The following PHF1 variants were observed in gnomAD, a reference collection of about 807,000 sequenced individuals.
PHF1 encodes the protein PHD finger protein 1, also known as polycomb-like 1.
In PHF1, 16 loss-of-function variants were observed where a neutral mutation model predicts 69.4. That is an observed-to-expected ratio of 0.23 (90% confidence interval 0.16 to 0.35). The LOEUF (loss-of-function observed/expected upper bound fraction) is 0.35, where lower values mean the gene tolerates loss of function less well. PHF1 is among the 10% of genes least tolerant of loss of function. The pLI, the probability that PHF1 is intolerant of heterozygous loss-of-function variation, is 1.00. For missense variants in PHF1, 515 were observed against 732.8 expected, an observed-to-expected ratio of 0.70 and a Z score of 3.43; for synonymous variants, 274 against 275.0, an observed-to-expected ratio of 1.00 and a Z score of 0.04.
chr6:33,415,415 T>C (rs1581951371), intron 13 of PHF1, 86 bp downstream of exon 13: 1 of 1,288,276 alleles, frequency 7.8e-7, no homozygotes, highest in East Asian at 2.3e-5. Flanking sequence ...TTCTTTTCCC[T>C]CTCCCCCTTG....
chr6:33,413,419 C>T lies in PHF1; in HGVS notation c.449C>T (p.Ala150Val), dbSNP rs748119733. The T allele has an allele frequency of 6.2e-7, 1 of 1,614,168 alleles. No individual in the cohort carries two copies. Among genetic ancestry groups the T allele is most frequent in the East Asian group, 2.2e-5 (1 of 44,880 alleles). Reference sequence around the variant, plus strand: ...GTCCTGTCTCTGCAGAGGGGAGGTGCCCTGAAGAAGGGCCCCTATGCCCGG... The same window carrying T: ...GTCCTGTCTCTGCAGAGGGGAGGTGTCCTGAAGAAGGGCCCCTATGCCCGG... ...VFAIATKRGG[A>V]LKKGPYARAM... Residue 150 changes from alanine (A) to valine (V), a missense_variant, in exon 6 of 15, where the codon GCC (alanine) becomes GTC (valine). Coordinates refer to ENST00000374516, the MANE Select transcript of PHF1 (RefSeq NM_024165.3).
chr6:33,412,097 G>A lies in PHF1; in HGVS notation c.-16-151G>A, dbSNP rs1776105199. On this transcript the variant is annotated intron_variant, in intron 1 of 14. Transcript: ENST00000374516. This position sits in a 1 kb window ranked among gnomAD's most constrained non-coding sequence, Gnocchi z 4.2. ...GAATTGCCTGAACCCGGGAGGTGGA[G>A]GTTGCAGTGAGCCAAGATTGTGCCA... 6.6e-6 allele frequency among the ~76,000 whole-genome samples: 1 copy of A among 152,008 alleles called. No homozygotes were observed. Among genetic ancestry groups the A allele is most frequent in the Admixed American group, 6.5e-5 (1 of 15,276 alleles).
rs745694970 is a variant in PHF1 at position 33,414,417 on chromosome 6, G to A, written c.876+51G>A. The stretch of plus-strand genomic sequence containing the variant: ...TTGGGATGGGACAGGGAGATGTAGC[G>A]GAAAGGGGAAGAGAAGAAATCACTG... On this transcript the variant is annotated intron_variant, in intron 9 of 14. Transcript: ENST00000374516. This position sits in a 1 kb window ranked among gnomAD's most constrained non-coding sequence, Gnocchi z 5.0. 2.9e-5 allele frequency: 47 copies of A among 1,613,588 alleles called. No homozygotes were observed. Among genetic ancestry groups the A allele is most frequent in the African/African-American group, 4.0e-5 (3 of 74,828 alleles).
intron 1 of PHF1, 106 bp downstream of exon 1, chr6:33,411,321 G>A (rs888824546): frequency 2.0e-5 from 3 of 152,182 alleles, no homozygotes; most frequent in African/African-American, 7.2e-5. Flanking sequence ...GGGCTGGGCC[G>A]ACACAAGTCC....
rs1002746274 is a variant in PHF1 at position 33,412,116 on chromosome 6, T to C, written c.-16-132T>C. The C allele has an allele frequency of 4.4e-6, 3 of 684,350 alleles. No individual in the cohort carries two copies. The African/African-American group carries it at 5.5e-5, about 13-fold the overall frequency. 42.4% of individuals were successfully genotyped at this position (684,350 alleles called of 1,614,324 possible). A position where few individuals can be genotyped will look rare whatever the true frequency, so the allele number is the denominator to read the frequency against. On this transcript the variant is annotated intron_variant, in intron 1 of 14. Transcript: ENST00000374516. The surrounding 1 kb of genome is among the most constrained non-coding windows in gnomAD (Gnocchi z 4.2). Reference sequence around the variant, plus strand: ...GGTGGAGGTTGCAGTGAGCCAAGATTGTGCCACTGCACTCTGGCCTGGGCG... The same window carrying C: ...GGTGGAGGTTGCAGTGAGCCAAGATCGTGCCACTGCACTCTGGCCTGGGCG...
intron 4 of PHF1, 126 bp from the exon 5 acceptor site, chr6:33,413,070 A>G: frequency 1.1e-6 from 1 of 899,580 alleles, no homozygotes; most frequent in South Asian, 1.3e-5. Context: ...GACTTGTAAA[A>G]TAAGGATAAT....
At position 33,414,564 on chromosome 6, in the gene PHF1, A is replaced by T; in HGVS notation, c.944+20A>T. 6.2e-7 allele frequency: 1 copy of T among 1,612,478 alleles called. No homozygotes were observed. Among genetic ancestry groups the T allele is most frequent in the Non-Finnish European group, 8.5e-7 (1 of 1,178,580 alleles). ...GGACCGGTGAGTTGGAGGGAAGAGG[A>T]GGCAAGGATGAGGCTCGGAAAGAGA... is the stretch of plus-strand genomic sequence containing the variant. On this transcript the variant is annotated intron_variant, in intron 10 of 14. Transcript: ENST00000374516. This position sits in a 1 kb window ranked among gnomAD's most constrained non-coding sequence, Gnocchi z 5.0.
rs778105253 is a variant in PHF1 at position 33,412,430 on chromosome 6, C to A, written c.159+8C>A. 1 of 1,614,094 alleles carries A rather than the reference C, an allele frequency of 6.2e-7. No individual in the cohort carries two copies. The highest frequency in any genetic ancestry group is 1.3e-5 in the African/African-American group (1 of 74,954). ...TTGGGTACCATCAAAAAGGTAAGAC[C>A]TTCTACCTCTGACCTTCTTCCTAGT... On this transcript the variant is annotated splice_region_variant and intron_variant, in intron 2 of 14. Transcript: ENST00000374516. This position sits in a 1 kb window ranked among gnomAD's most constrained non-coding sequence, Gnocchi z 4.2.
rs780599637 is a variant in PHF1, at chr6:33,415,574, C to T, written c.1335-16C>T. On this transcript the variant is annotated splice_polypyrimidine_tract_variant and intron_variant, in intron 13 of 14. Transcript: ENST00000374516. ...TCCCCTGCTTCAGGTCCTGACTTTC[C>T]CCACTCCAACCCCAGCAGCCCCATC... 1 of 1,613,698 alleles carries T rather than the reference C, an allele frequency of 6.2e-7. No homozygotes were observed. The highest frequency in any genetic ancestry group is 1.1e-5 in the South Asian group (1 of 91,068).
chr6:33,412,327 G>C lies in PHF1; in HGVS notation c.64G>C (p.Ala22Pro). The C allele has an allele frequency of 6.2e-7, 1 of 1,614,184 alleles. No homozygotes were observed. Among genetic ancestry groups the C allele is most frequent in the Non-Finnish European group, 8.5e-7 (1 of 1,180,022 alleles). The change falls in exon 2 of 15, where the codon GCT (alanine) becomes CCT (proline). Residue 22 changes from alanine to proline, a missense_variant. This residue lies in a region of PHF1 where 52 missense variants were observed against 48.2 expected (regional missense o/e 1.08). Transcript: ENST00000374516. The surrounding 1 kb of genome is among the most constrained non-coding windows in gnomAD (Gnocchi z 4.2). ...ASSLWDPASPAPTSGPRPRLW... is the reference protein window; with the variant it reads ...ASSLWDPASPPPTSGPRPRLW... ...CTCACTTTGGGACCCAGCTTCTCCT[G>C]CTCCCACCTCTGGCCCCAGGCCTCG...
rs765378788 is a variant in PHF1 at position 33,412,498 on chromosome 6, C to T, written c.160-10C>T. On this transcript the variant is annotated splice_polypyrimidine_tract_variant and intron_variant, in intron 2 of 14. Transcript: ENST00000374516. The surrounding 1 kb of genome is among the most constrained non-coding windows in gnomAD (Gnocchi z 4.2). ...GTTCCCATTTCATCCTGTTTGCTCA[C>T]CCATTCCAGGTGGACAGTGCTAGGG... 6.2e-7 allele frequency: 1 copy of T among 1,614,252 alleles called. No individual in the cohort carries two copies. Among genetic ancestry groups the T allele is most frequent in the South Asian group, 1.1e-5 (1 of 91,086 alleles).
Position 33,412,291 on chromosome 6 carries a change from T to C in PHF1, c.28T>C (p.Ser10Pro). Reference protein sequence around the residue: MAQPPRLSRSGASSLWDPAS... With the variant: MAQPPRLSRPGASSLWDPAS... ...GGCGCAGCCCCCCCGGCTGAGCCGC[T>C]CTGGTGCCTCCTCACTTTGGGACCC... is the stretch of plus-strand genomic sequence containing the variant. The change falls in exon 2 of 15, where the codon TCT (serine) becomes CCT (proline). Residue 10 changes from serine (S) to proline (P), a missense_variant. Physicochemically the swap from Ser to Pro is moderately conservative, Grantham distance 74 (BLOSUM62 -1). Coordinates refer to ENST00000374516, the MANE Select transcript of PHF1 (RefSeq NM_024165.3). This position sits in a 1 kb window ranked among gnomAD's most constrained non-coding sequence, Gnocchi z 4.2. 1 of 1,613,990 alleles carries C rather than the reference T, an allele frequency of 6.2e-7. No individual in the cohort carries two copies. The highest frequency in any genetic ancestry group is 8.5e-7 in the Non-Finnish European group (1 of 1,180,022).
Position 33,413,261 on chromosome 6 carries a change from G to A in PHF1, c.403G>A (p.Val135Ile). The A allele has an allele frequency of 6.2e-7, 1 of 1,614,086 alleles. No individual in the cohort carries two copies. The highest frequency in any genetic ancestry group is 8.5e-7 in the Non-Finnish European group (1 of 1,179,978). Residue 135 changes from valine (V) to isoleucine (I), a missense_variant, in exon 5 of 15, where the codon GTA (valine) becomes ATA (isoleucine). This residue lies in a region of PHF1 where 142 missense variants were observed against 309.7 expected (regional missense o/e 0.46). Transcript: ENST00000374516. Reference sequence around the variant, plus strand: ...TGGAGAGGGAGAGGGCACATCCTGGGTATGCCGCCAGTGTGTCTTTGCGAT... The same window carrying A: ...TGGAGAGGGAGAGGGCACATCCTGGATATGCCGCCAGTGTGTCTTTGCGAT... ...APGEGEGTSW[V>I]CRQCVFAIAT... is the part of the protein sequence containing the mutation.
chr6:33,413,666 A>G (rs1489865379), intron 6 of PHF1, 70 bp from the exon 7 acceptor site: 2 of 1,596,428 alleles, frequency 1.3e-6, no homozygotes, highest in East Asian at 4.5e-5. Context: ...GATAGGAGGT[A>G]AGTTTAGGGT....
rs760706698 is a variant in PHF1, at chr6:33,414,463, T to A, written c.877-14T>A. 2 of 1,613,940 alleles carry A rather than the reference T, an allele frequency of 1.2e-6. No individual in the cohort carries two copies. Among genetic ancestry groups the A allele is most frequent in the Admixed American group, 3.3e-5 (2 of 60,004 alleles). On this transcript the variant is annotated splice_polypyrimidine_tract_variant and intron_variant, in intron 9 of 14. Transcript: ENST00000374516. The surrounding 1 kb of genome is among the most constrained non-coding windows in gnomAD (Gnocchi z 5.0). ...CACTGCTCCCCTGGCCCCATTTTTC[T>A]TCATTTCTCCCAGCTTTCAGACACC... is the stretch of plus-strand genomic sequence containing the variant.
Position 33,412,564 on chromosome 6 carries a change from G to T in PHF1, c.216G>T (p.Leu72=). 1 of 1,614,230 alleles carries T rather than the reference G, an allele frequency of 6.2e-7. No homozygotes were observed. The highest frequency in any genetic ancestry group is 8.5e-7 in the Non-Finnish European group (1 of 1,180,042). The change falls in exon 3 of 15, where the codon CTG becomes CTT. Residue 72 remains leucine, a synonymous_variant. Coordinates refer to ENST00000374516, the MANE Select transcript of PHF1 (RefSeq NM_024165.3). The surrounding 1 kb of genome is among the most constrained non-coding windows in gnomAD (Gnocchi z 4.2). ...LVQFEDDSQF[L]VLWKDISPAA... is the part of the protein sequence containing the mutation. ...AGTTTGAGGATGATTCGCAGTTTCT[G>T]GTTCTATGGAAAGACATTAGCCCTG...
Position 33,412,287 on chromosome 6 carries a change from C to A in PHF1, c.24C>A (p.Ser8Arg). The A allele has an allele frequency of 6.2e-7, 1 of 1,613,934 alleles. No individual in the cohort carries two copies. The highest frequency in any genetic ancestry group is 1.1e-5 in the South Asian group (1 of 91,080). MAQPPRL[S>R]RSGASSLWDP... ...CAATGGCGCAGCCCCCCCGGCTGAG[C>A]CGCTCTGGTGCCTCCTCACTTTGGG... Residue 8 changes from serine (S) to arginine (R), a missense_variant, in exon 2 of 15, where the codon AGC (serine) becomes AGA (arginine). This residue lies in a region of PHF1 where 52 missense variants were observed against 48.2 expected (regional missense o/e 1.08). Transcript: ENST00000374516. The surrounding 1 kb of genome is among the most constrained non-coding windows in gnomAD (Gnocchi z 4.2).
At chr6:33,411,658 C>T (rs1343763147) in intron 1 of PHF1, among the ~76,000 whole-genome samples, 1 of 151,990 alleles carries the variant, frequency 6.6e-6, no homozygotes, top group East Asian at 1.9e-4. Context: ...TATATAATAT[C>T]CCAGGAGAGC....
rs1341982244 is a variant in PHF1, at chr6:33,415,794, T to G, written c.1416-16T>G. ...TCCATTTCTGCCCATTTCTTACAAT[T>G]GCCTTCTCTCCCTAGGTCACCCCTG... On this transcript the variant is annotated splice_polypyrimidine_tract_variant and intron_variant, in intron 14 of 14. Coordinates refer to ENST00000374516, the MANE Select transcript of PHF1 (RefSeq NM_024165.3). 6.3e-7 allele frequency: 1 copy of G among 1,595,254 alleles called. No individual in the cohort carries two copies. The highest frequency in any genetic ancestry group is 1.3e-5 in the African/African-American group (1 of 74,492).
Sources: allele counts gnomAD v4.1 joint callset (sites outside exome capture counted in the v4.1 genomes callset), GRCh38; gene constraint gnomAD v4.1.1; regional missense constraint gnomAD v4.1.1; non-coding constraint Gnocchi (gnomAD v3.1); transcripts MANE v1.5; gene names NCBI Gene and HGNC (gene_info 2026-07-23, HGNC 2026-07-21).